TLL1: variants seen among roughly 807,000 people sequenced by gnomAD.
The protein encoded by TLL1 is tolloid-like protein 1.
TLL1 carries 49 observed loss-of-function variants against 128.2 expected under a neutral mutation model. The ratio of observed to expected loss-of-function variants is 0.38; its 90% confidence interval spans 0.30 to 0.48. The LOEUF (loss-of-function observed/expected upper bound fraction) is 0.48. Among genes scored for constraint, TLL1 ranks in the 20% least tolerant of loss-of-function variants. TLL1 has a pLI of 0.96. For synonymous variants in TLL1, 454 were observed against 418.8 expected (o/e 1.08, Z -1.03); for missense variants, 1,123 against 1,242.0 (o/e 0.90, Z 1.44).
chr4:166,039,367 T>C lies in TLL1; in HGVS notation c.1187T>C (p.Leu396Pro). 1 of 1,613,468 alleles carries C rather than the reference T, an allele frequency of 6.2e-7. No individual in the cohort carries two copies. Among genetic ancestry groups the C allele is most frequent in the African/African-American group, 1.3e-5 (1 of 75,034 alleles). The change falls in exon 10 of 21, where the codon CTA (leucine) becomes CCA (proline). Residue 396 changes from leucine (L) to proline (P), a missense_variant. Physicochemically the swap from Leu to Pro is moderately conservative, Grantham distance 98. Coordinates refer to ENST00000061240, the MANE Select transcript of TLL1 (RefSeq NM_012464.5). ...GTTTTAAATTTTACAACGATGGATCTATACAAGAGTAGTTTGTGCTGGTAT... is the reference window on the plus strand; with the variant it reads ...GTTTTAAATTTTACAACGATGGATCCATACAAGAGTAGTTTGTGCTGGTAT... ...KIVLNFTTMD[L>P]YKSSLCWYDY...
intron 1 of TLL1, among the ~76,000 whole-genome samples, chr4:165,945,330 A>G (rs1296393000): frequency 2.0e-5 from 3 of 152,084 alleles, no homozygotes; most frequent in Non-Finnish European, 2.9e-5. Context: ...TGATTAGCAG[A>G]TAATGGTATA....
At chr4:166,074,202 A>T (rs984549636) in intron 16 of TLL1, among the ~76,000 whole-genome samples, 12 of 152,074 alleles carry the variant, frequency 7.9e-5, no homozygotes, top group Non-Finnish European at 1.3e-4. Flanking sequence ...TTAGGGGATG[A>T]CTTATTAATA....
intron 15 of TLL1, among the ~76,000 whole-genome samples, chr4:166,061,733 T>C (rs2111119902): frequency 6.6e-6 from 1 of 152,268 alleles, no homozygotes; most frequent in East Asian, 1.9e-4. Context: ...TAGATCCCAT[T>C]TGTCAATTTT....
chr4:165,976,398 A>T (rs1176551887), intron 1 of TLL1, among the ~76,000 whole-genome samples: 1 of 152,234 alleles, frequency 6.6e-6, no homozygotes, highest in African/African-American at 2.4e-5. Context: ...ATACGTTAGG[A>T]AGAAACTTAC....
intron 1 of TLL1, among the ~76,000 whole-genome samples, chr4:165,889,886 C>A (rs1370458348): frequency 6.6e-6 from 1 of 152,070 alleles, no homozygotes; most frequent in Non-Finnish European, 1.5e-5. Context: ...ACTTTGACCT[C>A]AATTAATGTT....
chr4:165,883,013 A>G (rs946746006), intron 1 of TLL1, among the ~76,000 whole-genome samples: 1 of 152,130 alleles, frequency 6.6e-6, no homozygotes, highest in Non-Finnish European at 1.5e-5. Context: ...GTTAACGCAC[A>G]GAAAGAAGAT....
intron 1 of TLL1, among the ~76,000 whole-genome samples, chr4:165,966,648 A>C (rs1735390482): frequency 6.6e-6 from 1 of 152,166 alleles, no homozygotes; most frequent in Non-Finnish European, 1.5e-5. Flanking sequence ...GGGAGACATC[A>C]CATGTCGGCA....
intron 1 of TLL1, among the ~76,000 whole-genome samples, chr4:165,926,942 A>G (rs1733298246): frequency 6.6e-6 from 1 of 152,162 alleles, no homozygotes; most frequent in Non-Finnish European, 1.5e-5. Flanking sequence ...TTTTTCAAAA[A>G]ACAGTCTCAG....
intron 1 of TLL1, among the ~76,000 whole-genome samples, chr4:165,899,765 C>A (rs1731878004): frequency 6.6e-6 from 1 of 152,096 alleles, no homozygotes; most frequent in Non-Finnish European, 1.5e-5. Flanking sequence ...GAGTTAAAGT[C>A]CTGAATATCC....
At chr4:166,020,717 T>A (rs572927449) in intron 8 of TLL1, among the ~76,000 whole-genome samples, 1 of 152,326 alleles carries the variant, frequency 6.6e-6, no homozygotes, top group Admixed American at 6.5e-5. Context: ...TATAACTGTT[T>A]AGTATTTAGA....
At chr4:165,928,346 T>C (rs1733363197) in intron 1 of TLL1, among the ~76,000 whole-genome samples, 1 of 152,072 alleles carries the variant, frequency 6.6e-6, no homozygotes, top group African/African-American at 2.4e-5. Context: ...GAAATAACCA[T>C]ACACTGTTAT....
intron 1 of TLL1, among the ~76,000 whole-genome samples, chr4:165,943,914 T>C (rs559403629): frequency 1.3e-5 from 2 of 152,296 alleles, no homozygotes; most frequent in African/African-American, 2.4e-5. Flanking sequence ...CTTTTAGGAA[T>C]TGACCTCTTT....
intron 9 of TLL1, among the ~76,000 whole-genome samples, chr4:166,032,762 A>C (rs1307714754): frequency 1.3e-5 from 2 of 152,152 alleles, no homozygotes; most frequent in African/African-American, 4.8e-5. Context: ...TAACTTGTTC[A>C]GATTATCCAC....
chr4:166,082,363 A>G (rs1560859455), intron 18 of TLL1, among the ~76,000 whole-genome samples: 1 of 152,050 alleles, frequency 6.6e-6, no homozygotes, highest in East Asian at 1.9e-4. Context: ...TCCAAGTAAC[A>G]TTTTTGTTCT....
At chr4:165,956,256 G>T (rs923702302) in intron 1 of TLL1, among the ~76,000 whole-genome samples, 1 of 151,972 alleles carries the variant, frequency 6.6e-6, no homozygotes, top group East Asian at 1.9e-4. Flanking sequence ...TAGAAAACAG[G>T]GTTCGAGAGC....
In TLL1 at chr4:166,044,229, C is replaced by G. The variant is rs960963694; in HGVS notation, c.1524+810C>G. 4 of 645,616 alleles carry G rather than the reference C, an allele frequency of 6.2e-6. No individual in the cohort carries two copies. The African/African-American group carries it at 7.3e-5, about 12-fold the overall frequency. 40.0% of individuals were successfully genotyped at this position (645,616 alleles called of 1,614,324 possible). A position where few individuals can be genotyped will look rare whatever the true frequency, so the allele number is the denominator to read the frequency against. On this transcript the variant is annotated intron_variant, in intron 12 of 20. Transcript: ENST00000061240. Reference sequence around the variant, plus strand: ...TACATGATTGGAGATGGAGTCTTTACTGATTGGAAGACTAATTCACTAAGT... The same window carrying G: ...TACATGATTGGAGATGGAGTCTTTAGTGATTGGAAGACTAATTCACTAAGT...
At chr4:166,021,785 T>C (rs575985993) in intron 8 of TLL1, among the ~76,000 whole-genome samples, 10 of 152,152 alleles carry the variant, frequency 6.6e-5, no homozygotes, top group Non-Finnish European at 1.5e-4. Context: ...TGTCTAGGTG[T>C]CATCCTCTCT....
At chr4:166,093,241 T>C (rs1184372157) in intron 19 of TLL1, among the ~76,000 whole-genome samples, 1 of 152,122 alleles carries the variant, frequency 6.6e-6, no homozygotes, top group African/African-American at 2.4e-5. Flanking sequence ...TCTCAGTTTT[T>C]ATTGATTATT....
chr4:165,966,122 G>A (rs1328768795), intron 1 of TLL1, among the ~76,000 whole-genome samples: 1 of 148,426 alleles, frequency 6.7e-6, no homozygotes, highest in African/African-American at 2.5e-5. Context: ...AGGTTGCAGT[G>A]AGCTCAGATT....
Sources: allele counts gnomAD v4.1 joint callset (sites outside exome capture counted in the v4.1 genomes callset), GRCh38; gene constraint gnomAD v4.1.1; transcripts MANE v1.5; gene names NCBI Gene and HGNC (gene_info 2026-07-23, HGNC 2026-07-21).